Variants in SPIRE2 observed in about 807,000 individuals in gnomAD.
SPIRE2 encodes the protein spire type actin nucleation factor 2, also known as protein spire homolog 2.
A neutral mutation model predicts 80.7 loss-of-function variants in SPIRE2; 76 were observed. The observed-to-expected ratio is 0.94, with a 90% CI of 0.78 to 1.14. The LOEUF is 1.14. SPIRE2 is among the 50% of genes most tolerant of loss of function. The probability of loss-of-function intolerance (pLI) is 0.00; values close to 1 mark genes in which losing one functional copy is unlikely to be tolerated. For synonymous variants in SPIRE2, 535 were observed against 432.6 expected (o/e 1.24, Z -2.94); for missense variants, 1,196 against 1,015.3 (o/e 1.18, Z -2.42).
At chr16:89,859,376 C>T (rs771352832) in intron 9 of SPIRE2, 22 bp downstream of exon 9, 6 of 1,455,634 alleles carry the variant, frequency 4.1e-6, no homozygotes, top group African/African-American at 1.4e-5. Context: ...TTCTCACCCC[C>T]GTACCCTCCT....
intron 1 of SPIRE2, among the ~76,000 whole-genome samples, chr16:89,842,715 G>C (rs2041516719): frequency 6.6e-6 from 1 of 152,218 alleles, no homozygotes; most frequent in African/African-American, 2.4e-5. Context: ...GTTCCAGGGA[G>C]CACCTTTGTT....
Position 89,868,892 on chromosome 16 carries a change from G to A in SPIRE2, c.1807-675G>A, listed in dbSNP as rs994994699. ...AATAAAAGTATGTCACCAGCCAGGC[G>A]CGGTGGCTCATGCCTGCAGTTCCTG... On this transcript the variant is annotated intron_variant, in intron 13 of 14. Coordinates refer to ENST00000378247, the MANE Select transcript of SPIRE2 (RefSeq NM_032451.2). 7.3e-5 allele frequency among the ~76,000 whole-genome samples: 11 copies of A among 150,778 alleles called. No individual in the cohort carries two copies. The East Asian group carries it at 1.2e-3, about 16-fold the overall frequency.
At chr16:89,849,796 C>T (rs1399344702) in intron 2 of SPIRE2, 7 of 276,656 alleles carry the variant, frequency 2.5e-5, no homozygotes, top group South Asian at 1.6e-4. Context: ...GTTAAGAGGT[C>T]GCTACTGTGA....
chr16:89,835,602 G>A (rs976763450), intron 1 of SPIRE2, among the ~76,000 whole-genome samples: 1 of 152,214 alleles, frequency 6.6e-6, no homozygotes, highest in African/African-American at 2.4e-5. Flanking sequence ...GGGTCTCAGT[G>A]CAGGAAGACA....
In SPIRE2 at chr16:89,850,558, C is replaced by A; in HGVS notation, c.543C>A (p.Asp181Glu). 6.6e-7 allele frequency: 1 copy of A among 1,512,792 alleles called. No individual in the cohort carries two copies. 93.7% of individuals were successfully genotyped at this position (1,512,792 alleles called of 1,614,324 possible). A position where few individuals can be genotyped will look rare whatever the true frequency, so the allele number is the denominator to read the frequency against. Residue 181 changes from aspartate (D) to glutamate (E), a missense_variant, in exon 3 of 15, where the codon GAC (aspartate) becomes GAA (glutamate). Transcript: ENST00000378247. ...GGCTGTGCGCGGCGCGGCTGACCGA[C>A]CCCCGGGGCGCACAGGCGCATTACC... The part of the protein sequence containing the change: ...AMRLCAARLT[D>E]PRGAQAHYQA...
chr16:89,867,024 G>A (rs1219999939), intron 12 of SPIRE2, among the ~76,000 whole-genome samples: 2 of 152,168 alleles, frequency 1.3e-5, no homozygotes, highest in African/African-American at 4.8e-5. Flanking sequence ...CTTCCATGGT[G>A]CTTTTATGGT....
intron 1 of SPIRE2, among the ~76,000 whole-genome samples, chr16:89,835,893 G>T (rs1283163197): frequency 6.6e-6 from 1 of 152,114 alleles, no homozygotes; most frequent in East Asian, 1.9e-4. Flanking sequence ...GGAGTGTATG[G>T]GCCAGGTGTG....
At chr16:89,849,063 A>C (rs1278221966) in intron 2 of SPIRE2, among the ~76,000 whole-genome samples, 1 of 152,182 alleles carries the variant, frequency 6.6e-6, no homozygotes, top group African/African-American at 2.4e-5. Context: ...TCCTGGCCTG[A>C]CTTTCACCTG....
chr16:89,860,831 AG>A, intron 10 of SPIRE2, 36 bp downstream of exon 10: 3 of 1,351,958 alleles, frequency 2.2e-6, no homozygotes, highest in Admixed American at 3.0e-5. Flanking sequence ...AGGGCGGCCC[AG>A]GGGGCGTCTT....
chr16:89,867,048 T>G (rs1316254435), intron 12 of SPIRE2, among the ~76,000 whole-genome samples: 2 of 152,178 alleles, frequency 1.3e-5, no homozygotes, highest in African/African-American at 4.8e-5. Flanking sequence ...TAGTGTCAGG[T>G]ACACACCAAT....
At chr16:89,864,293 C>T (rs772367563) in intron 12 of SPIRE2, among the ~76,000 whole-genome samples, 1 of 152,268 alleles carries the variant, frequency 6.6e-6, no homozygotes, top group East Asian at 1.9e-4. Flanking sequence ...CACAGCAGCT[C>T]GAGTCCGCCG....
rs2041683192 is a variant in SPIRE2 at position 89,855,625 on chromosome 16, TGAA to T, written c.922_924del (p.Lys308del). The T allele has an allele frequency of 6.2e-7, 1 of 1,612,528 alleles. No homozygotes were observed. The highest frequency in any genetic ancestry group is 8.5e-7 in the Non-Finnish European group (1 of 1,179,886). ...GTGGATGGGGACATCCCGCCCCGGG[TGAA>T]GAAGGACGCTCACGAGCTCATCCTG... is the stretch of plus-strand genomic sequence containing the variant. On this transcript the variant is annotated inframe_deletion, in exon 6 of 15. Transcript: ENST00000378247.
At position 89,850,174 on chromosome 16, in the gene SPIRE2, C is replaced by T. The variant is rs753671046; in HGVS notation, c.289-130C>T. On this transcript the variant is annotated intron_variant, in intron 2 of 14. Coordinates refer to ENST00000378247, the MANE Select transcript of SPIRE2 (RefSeq NM_032451.2). ...TCATCCGGTCCATGTCTTGCTTGTG[C>T]CTTGGTCTCTTGTGGACCGACAGCT... is the stretch of plus-strand genomic sequence containing the variant. The T allele has an allele frequency of 3.0e-5, 24 of 788,928 alleles. No homozygotes were observed. In the Admixed American group the frequency reaches 4.8e-4, roughly 16 times the overall value. The allele number at this position is 788,928 out of a possible 1,614,324, so 48.9% of individuals were successfully genotyped here.
chr16:89,830,507 G>A (rs1325899759), intron 1 of SPIRE2, among the ~76,000 whole-genome samples: 2 of 151,314 alleles, frequency 1.3e-5, no homozygotes. Context: ...CAGGCCAGCT[G>A]TCTCCTCAAA....
intron 1 of SPIRE2, among the ~76,000 whole-genome samples, chr16:89,839,472 G>C (rs112626584): frequency 0.083 from 12,604 of 152,032 alleles, 817 homozygotes; most frequent in Middle Eastern, 0.13. Flanking sequence ...GCGCTGATTT[G>C]AAAGTTGCTG....
chr16:89,849,963 A>G (rs2041605461), intron 2 of SPIRE2: 2 of 392,726 alleles, frequency 5.1e-6, no homozygotes, highest in African/African-American at 4.1e-5. Flanking sequence ...TCAGCCTCCC[A>G]AGTAAATGGG....
chr16:89,843,462 A>G (rs2143794086), intron 1 of SPIRE2, among the ~76,000 whole-genome samples: 1 of 151,708 alleles, frequency 6.6e-6, no homozygotes, highest in East Asian at 2.0e-4. Context: ...TTGGGGGGAC[A>G]TCTCCAAATC....
intron 1 of SPIRE2, among the ~76,000 whole-genome samples, chr16:89,832,253 G>A (rs376937574): frequency 6.6e-6 from 1 of 152,226 alleles, no homozygotes; most frequent in East Asian, 1.9e-4. Flanking sequence ...CCGTGGCCTC[G>A]AGCCCGCAGC....
intron 2 of SPIRE2, chr16:89,845,811 C>G: frequency 1.7e-6 from 1 of 572,534 alleles, no homozygotes. Context: ...TTCACCTGCC[C>G]TGAAGTCATG....
Sources: allele counts gnomAD v4.1 joint callset (sites outside exome capture counted in the v4.1 genomes callset), GRCh38; gene constraint gnomAD v4.1.1; transcripts MANE v1.5; gene names NCBI Gene and HGNC (gene_info 2026-07-23, HGNC 2026-07-21).